STK32B: variants seen among roughly 807,000 people sequenced by gnomAD.
STK32B encodes serine/threonine-protein kinase 32B.
Under a neutral mutation model 52.6 loss-of-function variants are expected in STK32B, and 43 were observed. The observed-to-expected ratio is 0.82, with a 90% CI of 0.64 to 1.05. The LOEUF is 1.05. Among genes scored for constraint, STK32B ranks in the 50% least tolerant of loss-of-function variants. The pLI is 0.00. For missense variants in STK32B, 621 were observed against 534.6 expected, an observed-to-expected ratio of 1.16 and a Z score of -1.59; for synonymous variants, 238 against 204.3, an observed-to-expected ratio of 1.17 and a Z score of -1.41.
At chr4:5,339,791 A>G (rs1199451924) in intron 4 of STK32B, among the ~76,000 whole-genome samples, 4 of 152,096 alleles carry the variant, frequency 2.6e-5, no homozygotes, top group Non-Finnish European at 4.4e-5. Flanking sequence ...GATTAAACCT[A>G]CTTCTTGGGC....
At chr4:5,087,013 AAAGTT>A (rs1425967046) in intron 1 of STK32B, among the ~76,000 whole-genome samples, 1 of 152,242 alleles carries the variant, frequency 6.6e-6, no homozygotes, top group Non-Finnish European at 1.5e-5. Context: ...GAACACCAGT[AAAGTT>A]AACTACATGG....
chr4:5,242,147 G>A (rs1725077943), intron 3 of STK32B, among the ~76,000 whole-genome samples: 1 of 152,192 alleles, frequency 6.6e-6, no homozygotes, highest in African/African-American at 2.4e-5. Context: ...CTGAGGAATT[G>A]CCATACTGAC....
chr4:5,417,061 G>T lies in STK32B; in HGVS notation c.562+127G>T, dbSNP rs145421975. The T allele has an allele frequency of 1.2e-3, 966 of 792,604 alleles. 8 individuals are homozygous for T. The East Asian group carries it at 0.022, about 18-fold the overall frequency. The allele number at this position is 792,604 out of a possible 1,614,324, so 49.1% of individuals were successfully genotyped here. A position where few individuals can be genotyped will look rare whatever the true frequency, so the allele number is the denominator to read the frequency against. On this transcript the variant is annotated intron_variant, in intron 6 of 11. Coordinates refer to ENST00000282908, the MANE Select transcript of STK32B (RefSeq NM_018401.3). ...TCCCATGCTCACATGAGGTTCCACA[G>T]TTCCCAGTAGATACAATGCTCCCTC...
At chr4:5,055,381 G>A (rs1365085076) in intron 1 of STK32B, among the ~76,000 whole-genome samples, 3 of 150,070 alleles carry the variant, frequency 2.0e-5, no homozygotes, top group African/African-American at 7.4e-5. Context: ...TACCATTCTT[G>A]TCCAAGCCAT....
At chr4:5,299,293 C>T (rs1177809498) in intron 3 of STK32B, among the ~76,000 whole-genome samples, 1 of 152,020 alleles carries the variant, frequency 6.6e-6, no homozygotes, top group South Asian at 2.1e-4. Flanking sequence ...CCTCTTTTAA[C>T]AGTGAAAAGG....
chr4:5,138,345 A>T (rs1205130542), intron 1 of STK32B, among the ~76,000 whole-genome samples: 1 of 152,136 alleles, frequency 6.6e-6, no homozygotes, highest in African/African-American at 2.4e-5. Flanking sequence ...TTACTTCCTC[A>T]CATCCTTGCT....
intron 1 of STK32B, among the ~76,000 whole-genome samples, chr4:5,071,045 A>G (rs1306850458): frequency 6.6e-6 from 1 of 152,140 alleles, no homozygotes; most frequent in Admixed American, 6.5e-5. Flanking sequence ...TAAAACAAGC[A>G]CCGGGCCCTC....
Position 5,066,137 on chromosome 4 carries a change from C to T in STK32B, c.52+14222C>T, listed in dbSNP as rs562250804. Among the ~76,000 whole-genome samples, 37 of 152,324 alleles carry T rather than the reference C, an allele frequency of 2.4e-4. 4 individuals are homozygous for T. The East Asian group carries it at 2.5e-3, about 10-fold the overall frequency. On this transcript the variant is annotated intron_variant, in intron 1 of 11. Coordinates refer to ENST00000282908, the MANE Select transcript of STK32B (RefSeq NM_018401.3). ...AAAAGAATTATTATCTCAAATTCAACACAACTTCACCAAACTAATTTTCTT... is the reference window on the plus strand; with the variant it reads ...AAAAGAATTATTATCTCAAATTCAATACAACTTCACCAAACTAATTTTCTT...
At chr4:5,487,343 T>C (rs915484041) in intron 11 of STK32B, among the ~76,000 whole-genome samples, 2 of 152,224 alleles carry the variant, frequency 1.3e-5, no homozygotes, top group African/African-American at 4.8e-5. Context: ...ATTATCCTGT[T>C]AGGAGACTTG....
chr4:5,195,624 C>T (rs754875071), intron 3 of STK32B, among the ~76,000 whole-genome samples: 11 of 151,998 alleles, frequency 7.2e-5, no homozygotes, highest in East Asian at 1.9e-4. Context: ...ACCTGGGAGA[C>T]GGAGGTTGCA....
At chr4:5,234,678 G>A (rs912967016) in intron 3 of STK32B, among the ~76,000 whole-genome samples, 24 of 152,152 alleles carry the variant, frequency 1.6e-4, no homozygotes, top group South Asian at 2.1e-4. Flanking sequence ...TTCTGAGCAC[G>A]TTTACCTGTG....
At chr4:5,454,809 A>G (rs1448097797) in intron 7 of STK32B, among the ~76,000 whole-genome samples, 1 of 152,156 alleles carries the variant, frequency 6.6e-6, no homozygotes, top group East Asian at 1.9e-4. Context: ...ATCGGCTCTC[A>G]TCATTCTAAC....
intron 5 of STK32B, among the ~76,000 whole-genome samples, chr4:5,416,174 C>T (rs897009433): frequency 5.9e-5 from 9 of 152,064 alleles, no homozygotes; most frequent in Admixed American, 6.6e-5. Context: ...TGGGTGTTTC[C>T]TTCCTCCCTG....
At position 5,105,473 on chromosome 4, in the gene STK32B, A is replaced by G. The variant is rs1202652563; in HGVS notation, c.53-34432A>G. The stretch of plus-strand genomic sequence containing the variant: ...TTGTTGATGAACAGGAGTCCTCTCT[A>G]TACTCTGGCTATAACTTCTATCACT... On this transcript the variant is annotated intron_variant, in intron 1 of 11. Transcript: ENST00000282908. Among the ~76,000 whole-genome samples, 10 of 152,210 alleles carry G rather than the reference A, an allele frequency of 6.6e-5. No individual in the cohort carries two copies. In the East Asian group the frequency reaches 1.9e-3, roughly 29 times the overall value.
chr4:5,161,522 G>A (rs1257311087), intron 2 of STK32B, among the ~76,000 whole-genome samples: 1 of 152,190 alleles, frequency 6.6e-6, no homozygotes, highest in Non-Finnish European at 1.5e-5. Context: ...AGTTGGAGAA[G>A]AGAAAAAGGT....
intron 3 of STK32B, among the ~76,000 whole-genome samples, chr4:5,251,734 T>A (rs1182428023): frequency 1.3e-5 from 2 of 152,240 alleles, no homozygotes; most frequent in African/African-American, 4.8e-5. Flanking sequence ...ATTTGTTATG[T>A]CATCTCTGAT....
At chr4:5,468,352 C>T (rs1036674993) in intron 11 of STK32B, among the ~76,000 whole-genome samples, 2 of 152,192 alleles carry the variant, frequency 1.3e-5, no homozygotes, top group Non-Finnish European at 1.5e-5. Flanking sequence ...GGAACACAGG[C>T]GGAGAGGCAG....
chr4:5,198,284 C>G (rs943238272), intron 3 of STK32B, among the ~76,000 whole-genome samples: 2 of 152,210 alleles, frequency 1.3e-5, no homozygotes, highest in African/African-American at 4.8e-5. Context: ...TGTGAAATTG[C>G]ATTTCAGAAT....
At chr4:5,329,726 T>A (rs1732107844) in intron 3 of STK32B, among the ~76,000 whole-genome samples, 1 of 152,160 alleles carries the variant, frequency 6.6e-6, no homozygotes, top group African/African-American at 2.4e-5. Context: ...CTCTGGTAAA[T>A]TCATGATCTG....
Sources: gnomAD v4.1 joint callset for allele counts (sites outside exome capture counted in the v4.1 genomes callset) on GRCh38, gnomAD v4.1.1 for gene constraint, MANE v1.5 for transcripts, NCBI Gene and HGNC (gene_info 2026-07-23, HGNC 2026-07-21) for gene names.